The following ADGRG2 variants were observed in gnomAD, a reference collection of about 807,000 sequenced individuals.
ADGRG2 encodes the protein adhesion G protein-coupled receptor G2.
In ADGRG2, 26 loss-of-function variants were observed where a neutral mutation model predicts 74.1. That is an observed-to-expected ratio of 0.35 (90% CI 0.26 to 0.49). The LOEUF is 0.49. Ranked by LOEUF, ADGRG2 falls within the 20% of genes least tolerant of loss-of-function variation. The probability of loss-of-function intolerance (pLI) is 0.99; values close to 1 mark genes in which losing one functional copy is unlikely to be tolerated. For missense variants in ADGRG2, 619 were observed against 763.1 expected (o/e 0.81, Z 2.22); for synonymous variants, 296 against 295.2 (o/e 1.00, Z -0.03).
chrX:19,027,140 T>G, intron 11 of ADGRG2, 79 bp downstream of exon 11: 1 of 718,665 alleles, frequency 1.4e-6, no homozygotes, highest in African/African-American at 2.1e-5. Context: ...ATTCTCAGTT[T>G]TCAATTGCAA....
chrX:19,108,791 G>T (rs1412109043), intron 1 of ADGRG2, among the ~76,000 whole-genome samples: 1 of 112,005 alleles, frequency 8.9e-6, no homozygotes, highest in Non-Finnish European at 1.9e-5. Flanking sequence ...AAGGCTGCTT[G>T]TGTGGGATTC....
At chrX:19,023,530 G>C (rs915067001) in intron 12 of ADGRG2, 77 bp from the exon 13 acceptor site, 23 of 575,306 alleles carry the variant, frequency 4.0e-5, no homozygotes, top group Non-Finnish European at 6.2e-5. Context: ...GAAGACCTAA[G>C]GCTAATCACA....
chrX:19,084,875 T>C, intron 1 of ADGRG2, among the ~76,000 whole-genome samples: 1 of 112,251 alleles, frequency 8.9e-6, no homozygotes, highest in Admixed American at 9.4e-5. Context: ...TTTTTCCCAG[T>C]GGATGAAAAA....
chrX:19,005,962 C>T lies in ADGRG2; in HGVS notation c.1839+40G>A, dbSNP rs1042510248. The T allele has an allele frequency of 5.9e-6, 5 of 849,571 alleles. No individual in the cohort carries two copies. The African/African-American group carries it at 8.0e-5, about 14-fold the overall frequency. The allele number at this position is 849,571 out of a possible 1,213,427, so 70.0% of individuals were successfully genotyped here. On this transcript the variant is annotated intron_variant, in intron 22 of 28. Transcript: ENST00000379869. The stretch of plus-strand genomic sequence containing the variant: ...TGTAGTGTGATGCCCAGCTACCCCT[C>T]AGACTCAGAATTTAAGGCCACGTGG...
rs2061159421 is a variant in ADGRG2, at chrX:19,045,303, A to ATTATTATTATTATTG, written c.119-5080_119-5079insCAATAATAATAATAA. 6.8e-5 allele frequency among the ~76,000 whole-genome samples: 7 copies of ATTATTATTATTATTG among 102,356 alleles called. No homozygotes were observed. In the South Asian group the frequency reaches 2.7e-3, roughly 40 times the overall value. The allele number at this position is 102,356 out of a possible 115,157, so 88.9% of individuals were successfully genotyped here. On this transcript the variant is annotated intron_variant, in intron 3 of 28. Coordinates refer to ENST00000379869, the MANE Select transcript of ADGRG2 (RefSeq NM_001079858.3). ...AGAAATGGGGGGTGTTGTTATTATT[A>ATTATTATTATTATTG]TTATTATTATTATTATTATTTTGAG...
At position 19,001,339 on chromosome X, in the gene ADGRG2, C is replaced by T. The variant is rs186765591; in HGVS notation, c.2231-1379G>A. 6.8e-4 allele frequency among the ~76,000 whole-genome samples: 76 copies of T among 111,388 alleles called. 1 individual carries two copies. Among genetic ancestry groups the T allele is most frequent in the African/African-American group, 2.2e-3 (67 of 30,649 alleles). On this transcript the variant is annotated intron_variant, in intron 24 of 28. Coordinates refer to ENST00000379869, the MANE Select transcript of ADGRG2 (RefSeq NM_001079858.3). The stretch of plus-strand genomic sequence containing the variant: ...CCATCACCCGCCAGCCCCATGCCAC[C>T]GCCCCACACTCTGCACACTGACCAG...
Position 19,107,645 on chromosome X carries a change from T to G in ADGRG2, c.-47+14797A>C, listed in dbSNP as rs755467225. Among the ~76,000 whole-genome samples, 527 of 107,748 alleles carry G rather than the reference T, an allele frequency of 4.9e-3. 1 individual carries two copies. The highest frequency in any genetic ancestry group is 0.014 in the Middle Eastern group (3 of 212). 93.6% of individuals were successfully genotyped at this position (107,748 alleles called of 115,157 possible). On this transcript the variant is annotated intron_variant, in intron 1 of 28. Transcript: ENST00000379869. The stretch of plus-strand genomic sequence containing the variant: ...CAGGAGTTTTGTTTTTTGTTTTTTT[T>G]TTTTTTTTCATTTCAAAAGAAATAC...
chrX:19,117,386 T>C (rs2147096065), intron 1 of ADGRG2, among the ~76,000 whole-genome samples: 1 of 111,552 alleles, frequency 9.0e-6, no homozygotes, highest in African/African-American at 3.2e-5. Context: ...GTTTGAACAC[T>C]AGAAAAAGCT....
At chrX:19,061,293 G>A (rs1228666988) in intron 3 of ADGRG2, among the ~76,000 whole-genome samples, 10 of 111,552 alleles carry the variant, frequency 9.0e-5, no homozygotes, top group Non-Finnish European at 1.3e-4. Flanking sequence ...GTCACAAATC[G>A]AAACCAATTA....
intron 3 of ADGRG2, among the ~76,000 whole-genome samples, chrX:19,059,631 T>C (rs1473362841): frequency 1.8e-5 from 2 of 108,133 alleles, no homozygotes; most frequent in Non-Finnish European, 3.8e-5. Context: ...TACTATGTAG[T>C]AGTACTAAAG....
At chrX:19,023,482 CAT>C in intron 12 of ADGRG2, 29 bp from the exon 13 acceptor site, 2 of 852,279 alleles carry the variant, frequency 2.3e-6, no homozygotes, top group Non-Finnish European at 3.4e-6. Flanking sequence ...CACGTATACA[CAT>C]ATATGTTACT....
intron 2 of ADGRG2, among the ~76,000 whole-genome samples, chrX:19,070,700 T>A (rs953035889): frequency 3.6e-5 from 4 of 112,143 alleles, no homozygotes; most frequent in African/African-American, 1.3e-4. Flanking sequence ...AGGGCACTCA[T>A]GAATCCAGCC....
At chrX:19,053,876 G>A (rs1029777199) in intron 3 of ADGRG2, among the ~76,000 whole-genome samples, 2 of 111,289 alleles carry the variant, frequency 1.8e-5, no homozygotes, top group Non-Finnish European at 3.8e-5. Context: ...ATATGGCAGC[G>A]GGCAAAAGAG....
intron 1 of ADGRG2, among the ~76,000 whole-genome samples, chrX:19,107,503 C>A (rs930420150): frequency 1.8e-5 from 2 of 111,636 alleles, no homozygotes; most frequent in Non-Finnish European, 3.8e-5. Context: ...CTTTCTTTGT[C>A]CTTTTTACTT....
intron 1 of ADGRG2, among the ~76,000 whole-genome samples, chrX:19,100,182 T>C (rs1251371192): frequency 8.9e-6 from 1 of 112,734 alleles, no homozygotes; most frequent in Non-Finnish European, 1.9e-5. Context: ...TCAGATGACA[T>C]CGTGTTCCTG....
intron 1 of ADGRG2, among the ~76,000 whole-genome samples, chrX:19,085,191 G>A (rs2061918676): frequency 8.9e-6 from 1 of 111,743 alleles, no homozygotes; most frequent in Non-Finnish European, 1.9e-5. Context: ...GGAATATTAT[G>A]CAACACTTAA....
intron 13 of ADGRG2, chrX:19,021,409 C>T (rs1323173226): frequency 2.2e-6 from 1 of 452,283 alleles, no homozygotes; most frequent in African/African-American, 2.4e-5. Context: ...TGGAGGTTCA[C>T]ATTCACAGAG....
intron 3 of ADGRG2, among the ~76,000 whole-genome samples, chrX:19,066,333 A>G (rs2061567438): frequency 9.0e-6 from 1 of 111,102 alleles, no homozygotes; most frequent in Non-Finnish European, 1.9e-5. Flanking sequence ...CTTATGCAAT[A>G]AAGATTCCTT....
intron 1 of ADGRG2, among the ~76,000 whole-genome samples, chrX:19,104,257 C>A (rs762092146): frequency 2.7e-5 from 3 of 110,133 alleles, no homozygotes; most frequent in Non-Finnish European, 5.7e-5. Flanking sequence ...TTGGCTGCAG[C>A]CAGGATGTGG....
Sources: allele counts gnomAD v4.1 joint callset (sites outside exome capture counted in the v4.1 genomes callset), GRCh38; gene constraint gnomAD v4.1.1; transcripts MANE v1.5; gene names NCBI Gene and HGNC (gene_info 2026-07-23, HGNC 2026-07-21).